Variants in GLIS3 observed in about 807,000 individuals in gnomAD.
The protein encoded by GLIS3 is zinc finger protein GLIS3.
A neutral mutation model predicts 78.6 loss-of-function variants in GLIS3; 53 were observed. That is an observed-to-expected ratio of 0.67 (90% CI 0.54 to 0.85). The LOEUF (loss-of-function observed/expected upper bound fraction) is 0.85, where lower values mean the gene tolerates loss of function less well. Among genes scored for constraint, GLIS3 ranks in the 40% least tolerant of loss-of-function variants. The probability of loss-of-function intolerance (pLI) is 0.00; values close to 1 mark genes in which losing one functional copy is unlikely to be tolerated. For missense variants in GLIS3, 1,703 were observed against 1,231.1 expected, an observed-to-expected ratio of 1.38 and a Z score of -5.74; for synonymous variants, 684 against 509.9, an observed-to-expected ratio of 1.34 and a Z score of -4.60.
intron 4 of GLIS3, among the ~76,000 whole-genome samples, chr9:4,049,853 A>G (rs1825576173): frequency 6.6e-6 from 1 of 152,226 alleles, no homozygotes; most frequent in African/African-American, 2.4e-5. Flanking sequence ...AAAAATGCTC[A>G]TCATCACTGG....
intron 4 of GLIS3, among the ~76,000 whole-genome samples, chr9:3,966,398 G>A (rs1223535756): frequency 6.6e-6 from 1 of 151,384 alleles, no homozygotes; most frequent in African/African-American, 2.4e-5. Context: ...AATCAAACAG[G>A]TGTTGATAGG....
intron 2 of GLIS3, among the ~76,000 whole-genome samples, chr9:4,141,779 A>G (rs920306741): frequency 6.6e-6 from 1 of 152,248 alleles, no homozygotes; most frequent in African/African-American, 2.4e-5. Flanking sequence ...ATAAAATCAC[A>G]TAACTTTAAC....
intron 9 of GLIS3, among the ~76,000 whole-genome samples, chr9:3,847,998 A>G (rs1399284925): frequency 6.6e-6 from 1 of 152,256 alleles, no homozygotes; most frequent in Non-Finnish European, 1.5e-5. Context: ...TTTTGTGAAT[A>G]TGTCACAACT....
At chr9:3,899,092 C>G (rs1003750713) in intron 6 of GLIS3, 3 of 532,252 alleles carry the variant, frequency 5.6e-6, no homozygotes, top group Admixed American at 6.2e-5. Context: ...CCACTTCTGG[C>G]AACTCAACTT....
intron 2 of GLIS3, among the ~76,000 whole-genome samples, chr9:4,220,229 C>T (rs1458189648): frequency 2.0e-5 from 3 of 152,118 alleles, no homozygotes; most frequent in Non-Finnish European, 4.4e-5. Flanking sequence ...TGTAATAGTA[C>T]AACCAATAAA....
At chr9:4,190,027 A>G (rs548904321) in intron 2 of GLIS3, among the ~76,000 whole-genome samples, 15 of 152,304 alleles carry the variant, frequency 9.8e-5, no homozygotes, top group African/African-American at 3.6e-4. Context: ...CCAAAAACCC[A>G]TTGGTACATC....
At chr9:4,101,413 T>C (rs1830359822) in intron 4 of GLIS3, among the ~76,000 whole-genome samples, 2 of 152,196 alleles carry the variant, frequency 1.3e-5, no homozygotes, top group South Asian at 4.1e-4. Flanking sequence ...ATTTTGTTCT[T>C]TCATGAGCAT....
chr9:3,865,525 A>G (rs77385214), intron 8 of GLIS3, among the ~76,000 whole-genome samples: 1,562 of 152,372 alleles, frequency 0.01, 25 homozygotes, highest in African/African-American at 0.036. Flanking sequence ...CAGAAACAGC[A>G]TATGACAAGA....
At chr9:3,902,146 T>C (rs894059942) in intron 6 of GLIS3, among the ~76,000 whole-genome samples, 1 of 152,260 alleles carries the variant, frequency 6.6e-6, no homozygotes, top group Non-Finnish European at 1.5e-5. Flanking sequence ...TGTGAGTCCA[T>C]ACAACTTTGT....
chr9:4,189,822 C>G (rs577845359), intron 2 of GLIS3, among the ~76,000 whole-genome samples: 1 of 151,228 alleles, frequency 6.6e-6, no homozygotes, highest in Non-Finnish European at 1.5e-5. Context: ...GCAACCCCTG[C>G]CTTTTTTTTT....
the GLIS3 span, among the ~76,000 whole-genome samples, chr9:4,458,036 C>A: frequency 9.4e-4 from 143 of 152,096 alleles, no homozygotes; most frequent in Non-Finnish European, 1.6e-3. Flanking sequence ...CATGGAAGGA[C>A]TGAACCACCA....
chr9:4,132,304 G>A (rs1307379505), intron 2 of GLIS3, among the ~76,000 whole-genome samples: 1 of 152,178 alleles, frequency 6.6e-6, no homozygotes, highest in Non-Finnish European at 1.5e-5. Context: ...AGTAGGGAAT[G>A]CAAACGTTTT....
intron 4 of GLIS3, among the ~76,000 whole-genome samples, chr9:4,018,691 G>A (rs1822629287): frequency 6.6e-6 from 1 of 152,092 alleles, no homozygotes; most frequent in Admixed American, 6.5e-5. Context: ...AGTCCCTTAG[G>A]AACAGCTTTG....
the GLIS3 span, among the ~76,000 whole-genome samples, chr9:4,444,988 GC>G: frequency 8.8e-4 from 134 of 152,268 alleles, 1 homozygote; most frequent in Middle Eastern, 0.021. Flanking sequence ...CTCTCCCGTT[GC>G]CCTTGGAGTT....
intron 4 of GLIS3, among the ~76,000 whole-genome samples, chr9:4,086,672 T>A (rs982157862): frequency 6.6e-6 from 1 of 152,192 alleles, no homozygotes; most frequent in Non-Finnish European, 1.5e-5. Context: ...AGTTTTAGAT[T>A]TTTTTACCAT....
intron 4 of GLIS3, among the ~76,000 whole-genome samples, chr9:4,089,429 A>G (rs1355352084): frequency 6.6e-6 from 1 of 152,228 alleles, no homozygotes; most frequent in East Asian, 1.9e-4. Context: ...TACATACACG[A>G]CCTTACAAAT....
intron 4 of GLIS3, among the ~76,000 whole-genome samples, chr9:4,081,737 C>T (rs912586190): frequency 6.6e-6 from 1 of 152,216 alleles, no homozygotes. Flanking sequence ...GGATGCATCT[C>T]TGTTTTCTCA....
At chr9:4,193,384 T>C (rs1384032145) in intron 2 of GLIS3, among the ~76,000 whole-genome samples, 2 of 152,206 alleles carry the variant, frequency 1.3e-5, no homozygotes, top group Non-Finnish European at 2.9e-5. Flanking sequence ...CAGAGTTGGG[T>C]AGTTACAACA....
At chr9:3,870,901 A>G (rs546007228) in intron 8 of GLIS3, among the ~76,000 whole-genome samples, 27 of 152,204 alleles carry the variant, frequency 1.8e-4, no homozygotes, top group Non-Finnish European at 3.4e-4. Context: ...CATTAACTCA[A>G]AAGTCCACCG....
Sources: allele counts gnomAD v4.1 joint callset (sites outside exome capture counted in the v4.1 genomes callset), GRCh38; gene constraint gnomAD v4.1.1; transcripts MANE v1.5; gene names NCBI Gene and HGNC (gene_info 2026-07-23, HGNC 2026-07-21).